The following L3MBTL4 variants were observed in gnomAD, a reference collection of about 807,000 sequenced individuals.
L3MBTL4 encodes the protein L3MBTL histone methyl-lysine binding protein 4.
L3MBTL4 carries 70 observed loss-of-function variants against 84.5 expected under a neutral mutation model. The observed-to-expected ratio is 0.83, with a 90% confidence interval of 0.68 to 1.01. The LOEUF (loss-of-function observed/expected upper bound fraction) is 1.01. Ranked by LOEUF, L3MBTL4 falls within the 50% of genes least tolerant of loss-of-function variation. The pLI, the probability that L3MBTL4 is intolerant of heterozygous loss-of-function variation, is 0.00. For synonymous variants in L3MBTL4, 274 were observed against 259.8 expected (o/e 1.05, Z -0.52); for missense variants, 715 against 754.8 (o/e 0.95, Z 0.62).
At chr18:6,365,196 C>T (rs2053880139) in intron 1 of L3MBTL4, among the ~76,000 whole-genome samples, 1 of 151,970 alleles carries the variant, frequency 6.6e-6, no homozygotes, top group Non-Finnish European at 1.5e-5. Flanking sequence ...ATGGAATAAA[C>T]ATGCTTCCCT....
chr18:5,964,729 C>T (rs561301136), intron 17 of L3MBTL4, among the ~76,000 whole-genome samples: 24 of 152,268 alleles, frequency 1.6e-4, no homozygotes, highest in African/African-American at 2.9e-4. Flanking sequence ...AGTACCCATA[C>T]GTGCACCAAG....
chr18:6,120,205 A>T (rs73380080), intron 14 of L3MBTL4, among the ~76,000 whole-genome samples: 1 of 152,196 alleles, frequency 6.6e-6, no homozygotes, highest in African/African-American at 2.4e-5. Flanking sequence ...CGGTCCTCCC[A>T]GGTCAGTCTC....
At chr18:6,066,276 A>T (rs1598619465) in intron 16 of L3MBTL4, among the ~76,000 whole-genome samples, 1 of 152,144 alleles carries the variant, frequency 6.6e-6, no homozygotes, top group Non-Finnish European at 1.5e-5. Context: ...ATGGTCTATC[A>T]TATGGTCTAT....
rs143101273 is a variant in L3MBTL4, at chr18:6,274,415, C to T, written c.128-10377G>A. Among the ~76,000 whole-genome samples, 214 of 152,344 alleles carry T rather than the reference C, an allele frequency of 1.4e-3. 1 individual carries two copies. The highest frequency in any genetic ancestry group is 5.0e-3 in the African/African-American group (206 of 41,580). ...CAGGATAGCCTCAGAATTCCGACTA[C>T]AGTCCCTGTTCTTGAATTTCCATGA... On this transcript the variant is annotated intron_variant, in intron 4 of 18. Coordinates refer to ENST00000317931, the MANE Select transcript of L3MBTL4 (RefSeq NM_001330559.2).
chr18:6,188,002 CAA>C (rs201235418), intron 12 of L3MBTL4, among the ~76,000 whole-genome samples: 99 of 143,902 alleles, frequency 6.9e-4, no homozygotes, highest in African/African-American at 2.1e-3. Flanking sequence ...TAGATCAAAA[CAA>C]AAAAAAAAAT....
At position 6,344,042 on chromosome 18, in the gene L3MBTL4, A is replaced by G. The variant is rs186119555; in HGVS notation, c.-90-31986T>C. 1.7e-3 allele frequency among the ~76,000 whole-genome samples: 257 copies of G among 151,876 alleles called. 1 individual carries two copies. The highest frequency in any genetic ancestry group is 5.8e-3 in the African/African-American group (240 of 41,512). The stretch of plus-strand genomic sequence containing the variant: ...GGCCCAAACGGCAGAAGGAAGGAAT[A>G]AAGATTAGAACAAAAATAAATAAAA... On this transcript the variant is annotated intron_variant, in intron 1 of 18. Coordinates refer to ENST00000317931, the MANE Select transcript of L3MBTL4 (RefSeq NM_001330559.2).
chr18:6,072,884 ATATATATATATATAT>A (rs1568069880), intron 16 of L3MBTL4, among the ~76,000 whole-genome samples: 509 of 19,720 alleles, frequency 0.026, 81 homozygotes, highest in African/African-American at 0.044. Flanking sequence ...AAAAAAAAAT[ATATATATATATATAT>A]ATATATATAT....
chr18:5,956,536 A>G, intron 18 of L3MBTL4, 149 bp from the exon 19 acceptor site: 1 of 658,120 alleles, frequency 1.5e-6, no homozygotes, highest in African/African-American at 1.8e-5. Flanking sequence ...GGTAGCTCTC[A>G]CTCGGCTTAG....
chr18:6,387,930 G>C (rs1451061494), intron 1 of L3MBTL4, among the ~76,000 whole-genome samples: 1 of 152,180 alleles, frequency 6.6e-6, no homozygotes, highest in East Asian at 1.9e-4. Flanking sequence ...GTGTATAAAA[G>C]TTGATTAAGA....
At chr18:6,345,318 A>T (rs2143625587) in intron 1 of L3MBTL4, among the ~76,000 whole-genome samples, 1 of 152,006 alleles carries the variant, frequency 6.6e-6, no homozygotes, top group East Asian at 1.9e-4. Flanking sequence ...AATTGCTTTA[A>T]CCCGTGAGGC....
intron 13 of L3MBTL4, among the ~76,000 whole-genome samples, chr18:6,163,270 T>A (rs71360019): frequency 3.8e-5 from 2 of 52,078 alleles, no homozygotes; most frequent in African/African-American, 1.6e-4. Flanking sequence ...GGGGGGGGGG[T>A]GGGTGTGTGT....
At chr18:6,188,508 A>C (rs1376617826) in intron 12 of L3MBTL4, among the ~76,000 whole-genome samples, 1 of 152,196 alleles carries the variant, frequency 6.6e-6, no homozygotes, top group Non-Finnish European at 1.5e-5. Context: ...TAAGAAGTCT[A>C]AATGAAGTCT....
At chr18:6,387,656 C>T (rs1285311114) in intron 1 of L3MBTL4, among the ~76,000 whole-genome samples, 2 of 151,930 alleles carry the variant, frequency 1.3e-5, no homozygotes, top group East Asian at 1.9e-4. Flanking sequence ...GGAAAAATAC[C>T]GAAGATGTGG....
chr18:6,311,688 A>T, intron 2 of L3MBTL4, 32 bp from the exon 3 acceptor site: 1 of 1,309,966 alleles, frequency 7.6e-7, no homozygotes, highest in Non-Finnish European at 1.1e-6. Flanking sequence ...GAAGTTGGGG[A>T]TGGGGGTGTG....
chr18:6,115,427 G>A (rs2059327789), intron 14 of L3MBTL4, among the ~76,000 whole-genome samples: 1 of 152,216 alleles, frequency 6.6e-6, no homozygotes, highest in South Asian at 2.1e-4. Context: ...ATCGGGGTAA[G>A]AGAGGGAATG....
chr18:6,100,556 G>C (rs2058790454), intron 14 of L3MBTL4, among the ~76,000 whole-genome samples: 1 of 152,198 alleles, frequency 6.6e-6, no homozygotes, highest in African/African-American at 2.4e-5. Flanking sequence ...ATTTGGGGTT[G>C]ACACCTGGAC....
At chr18:6,026,562 C>T (rs2145559037) in intron 16 of L3MBTL4, among the ~76,000 whole-genome samples, 2 of 152,240 alleles carry the variant, frequency 1.3e-5, no homozygotes, top group Middle Eastern at 3.4e-3. Context: ...TTAATCCCAG[C>T]CACTCCCTCA....
intron 4 of L3MBTL4, among the ~76,000 whole-genome samples, chr18:6,270,608 T>C (rs1256206403): frequency 1.3e-5 from 2 of 152,136 alleles, no homozygotes; most frequent in East Asian, 1.9e-4. Flanking sequence ...ACAATTCTCT[T>C]TGAGACGAAG....
intron 10 of L3MBTL4, among the ~76,000 whole-genome samples, chr18:6,237,429 T>C (rs2047258258): frequency 6.7e-6 from 1 of 149,600 alleles, no homozygotes; most frequent in Non-Finnish European, 1.5e-5. Flanking sequence ...TTTGTTTCAA[T>C]GGCTGCCTAG....
Sources: allele counts gnomAD v4.1 joint callset (sites outside exome capture counted in the v4.1 genomes callset), GRCh38; gene constraint gnomAD v4.1.1; transcripts MANE v1.5; gene names NCBI Gene and HGNC (gene_info 2026-07-23, HGNC 2026-07-21).